SPSB4: variants seen among roughly 807,000 people sequenced by gnomAD.
The protein encoded by SPSB4 is splA/ryanodine receptor domain and SOCS box containing 4.
In SPSB4, 21 loss-of-function variants were observed where a neutral mutation model predicts 20.9. That is an observed-to-expected ratio of 1.01 (90% CI 0.71 to 1.45). The LOEUF is 1.45. Ranked by LOEUF, SPSB4 falls within the 40% of genes most tolerant of loss-of-function variation. The probability of loss-of-function intolerance (pLI) is 0.00; values close to 1 mark genes in which losing one functional copy is unlikely to be tolerated. For missense variants in SPSB4, 399 were observed against 399.2 expected, an observed-to-expected ratio of 1.00 and a Z score of 0.00; for synonymous variants, 207 against 183.8, an observed-to-expected ratio of 1.13 and a Z score of -1.02.
At chr3:141,134,057 T>TTTTTTTTTTTTC (rs1939185856) in intron 2 of SPSB4, among the ~76,000 whole-genome samples, 1 of 64,090 alleles carries the variant, frequency 1.6e-5, no homozygotes, top group Admixed American at 1.9e-4. Context: ...TTCTTTTTTC[T>TTTTTTTTTTTTC]TTTTTTTTTT....
intron 2 of SPSB4, among the ~76,000 whole-genome samples, chr3:141,095,305 C>T (rs1333554753): frequency 6.6e-6 from 1 of 152,140 alleles, no homozygotes; most frequent in Non-Finnish European, 1.5e-5. Context: ...AAATTTGAGA[C>T]TATAAGCTCC....
chr3:141,117,610 C>G (rs759752223), intron 2 of SPSB4, among the ~76,000 whole-genome samples: 2 of 152,166 alleles, frequency 1.3e-5, no homozygotes, highest in African/African-American at 2.4e-5. Context: ...ATCAACTCAT[C>G]ATCTACATTA....
intron 2 of SPSB4, among the ~76,000 whole-genome samples, chr3:141,141,972 T>G (rs1291074017): frequency 6.6e-6 from 1 of 152,204 alleles, no homozygotes; most frequent in African/African-American, 2.4e-5. Context: ...GTCTATCAGT[T>G]TTGTTTATCT....
At chr3:141,110,653 G>A (rs977877745) in intron 2 of SPSB4, among the ~76,000 whole-genome samples, 3 of 152,224 alleles carry the variant, frequency 2.0e-5, no homozygotes, top group African/African-American at 7.2e-5. Flanking sequence ...CAGGGCAGAA[G>A]GAACAGCCCC....
chr3:141,088,920 C>T (rs1482401448), intron 2 of SPSB4, among the ~76,000 whole-genome samples: 5 of 152,206 alleles, frequency 3.3e-5, no homozygotes, highest in African/African-American at 1.2e-4. Context: ...TAGAGCTCCA[C>T]AGATATATTC....
intron 2 of SPSB4, among the ~76,000 whole-genome samples, chr3:141,094,321 A>G (rs73872055): frequency 1.3e-5 from 2 of 152,198 alleles, no homozygotes; most frequent in Non-Finnish European, 2.9e-5. Flanking sequence ...AACTTGGTGA[A>G]TGAATGAGTC....
intron 2 of SPSB4, among the ~76,000 whole-genome samples, chr3:141,136,239 G>A (rs962596986): frequency 0.013 from 1,940 of 152,118 alleles, 39 homozygotes; most frequent in African/African-American, 0.045. Flanking sequence ...CTGGTTATTA[G>A]CCCTATGTCA....
chr3:141,140,433 T>A (rs1037848468), intron 2 of SPSB4, among the ~76,000 whole-genome samples: 4 of 152,230 alleles, frequency 2.6e-5, no homozygotes, highest in Admixed American at 6.5e-5. Flanking sequence ...CCAGTTTTTC[T>A]GCTCTGTTTT....
At chr3:141,134,049 C>CTTTTTTTTTTTTTTTTTTTT (rs1939184001) in intron 2 of SPSB4, among the ~76,000 whole-genome samples, 26 of 63,896 alleles carry the variant, frequency 4.1e-4, no homozygotes, top group African/African-American at 5.9e-4. Context: ...TTTTTTTTTT[C>CTTTTTTTTTTTTTTTTTTTT]TTTTTTCTTT....
chr3:141,060,760 C>G (rs1937745556), intron 1 of SPSB4, among the ~76,000 whole-genome samples: 1 of 152,248 alleles, frequency 6.6e-6, no homozygotes, highest in Admixed American at 6.5e-5. Context: ...AGTCTGTCTT[C>G]TGTTCCACAC....
At chr3:141,073,228 G>A (rs1451731396) in intron 2 of SPSB4, among the ~76,000 whole-genome samples, 1 of 152,226 alleles carries the variant, frequency 6.6e-6, no homozygotes, top group Non-Finnish European at 1.5e-5. Flanking sequence ...CAGAAATGAA[G>A]CACTGCCCAG....
At chr3:141,127,949 GT>G (rs1437594052) in intron 2 of SPSB4, among the ~76,000 whole-genome samples, 2 of 152,176 alleles carry the variant, frequency 1.3e-5, no homozygotes, top group Non-Finnish European at 2.9e-5. Context: ...CCCTCCCACA[GT>G]CCCTCACTGG....
At chr3:141,111,759 AC>A (rs1361336811) in intron 2 of SPSB4, among the ~76,000 whole-genome samples, 2 of 152,182 alleles carry the variant, frequency 1.3e-5, no homozygotes, top group East Asian at 3.8e-4. Context: ...TCGGAAAAAG[AC>A]AAAGTGCTTT....
At chr3:141,052,257 G>A (rs914759450) in intron 1 of SPSB4, among the ~76,000 whole-genome samples, 9 of 152,192 alleles carry the variant, frequency 5.9e-5, no homozygotes, top group African/African-American at 2.2e-4. Context: ...ACTGCCATCC[G>A]ATTCACCCGC....
chr3:141,108,428 T>C (rs1272001602), intron 2 of SPSB4, among the ~76,000 whole-genome samples: 1 of 152,178 alleles, frequency 6.6e-6, no homozygotes, highest in East Asian at 1.9e-4. Flanking sequence ...AAATTAACTT[T>C]CCCAGCATTC....
intron 2 of SPSB4, among the ~76,000 whole-genome samples, chr3:141,083,302 T>G (rs1938276136): frequency 6.6e-6 from 1 of 152,166 alleles, no homozygotes; most frequent in African/African-American, 2.4e-5. Flanking sequence ...CCATGGGGAC[T>G]GTGTACTGTG....
At chr3:141,114,178 C>G (rs541020840) in intron 2 of SPSB4, among the ~76,000 whole-genome samples, 18 of 152,094 alleles carry the variant, frequency 1.2e-4, no homozygotes, top group South Asian at 6.2e-4. Context: ...AAGTTGCCAC[C>G]AGAATTCAGT....
intron 2 of SPSB4, among the ~76,000 whole-genome samples, chr3:141,085,879 A>G (rs778212224): frequency 2.6e-5 from 4 of 152,186 alleles, no homozygotes; most frequent in Non-Finnish European, 4.4e-5. Context: ...CCATCCCCCA[A>G]AGCCCCAAAG....
chr3:141,134,367 G>A (rs1939190944), intron 2 of SPSB4, among the ~76,000 whole-genome samples: 2 of 152,032 alleles, frequency 1.3e-5, no homozygotes, highest in African/African-American at 4.8e-5. Context: ...AATAGCAGTG[G>A]TGAAAGTGGG....
Sources: gnomAD v4.1 joint callset for allele counts (sites outside exome capture counted in the v4.1 genomes callset) on GRCh38, gnomAD v4.1.1 for gene constraint, MANE v1.5 for transcripts, NCBI Gene and HGNC (gene_info 2026-07-23, HGNC 2026-07-21) for gene names.